The following FAM246A variants were observed in gnomAD, a reference collection of about 807,000 sequenced individuals.
FAM246A encodes protein FAM246A.
At chr22:21,360,825 ACGGCGG>A (rs533321783) in exon 1 of FAM246A, among the ~76,000 whole-genome samples, 1 of 140,288 alleles carries the variant, frequency 7.1e-6, no homozygotes, top group African/African-American at 2.7e-5. Flanking sequence ...GCAGGCGGGG[ACGGCGG>A]CGGCGGCGGC....
At chr22:21,360,668 G>A (rs992714094) in exon 1 of FAM246A, among the ~76,000 whole-genome samples, 14 of 146,282 alleles carry the variant, frequency 9.6e-5, no homozygotes, top group East Asian at 4.0e-4. Context: ...CCTGACCGGG[G>A]CTCGGTGCGC....
At chr22:21,361,161 C>A (rs1415253903) in exon 1 of FAM246A, among the ~76,000 whole-genome samples, 1 of 151,514 alleles carries the variant, frequency 6.6e-6, no homozygotes, top group East Asian at 1.9e-4. Flanking sequence ...GCCAGCCGGC[C>A]CGGGGCTCGG....
At chr22:21,360,804 G>A (rs1921838437) in exon 1 of FAM246A, among the ~76,000 whole-genome samples, 1 of 144,182 alleles carries the variant, frequency 6.9e-6, no homozygotes, top group African/African-American at 2.6e-5. Context: ...ACGGCGCGGG[G>A]CTCGCGGCGG....
At position 21,360,978 on chromosome 22, in the gene FAM246A, A is replaced by AGG. The variant is rs1921846637; in HGVS notation, c.320_321dup (p.Tyr108ProfsTer80). Among the ~76,000 whole-genome samples, 1 of 145,336 alleles carries AGG rather than the reference A, an allele frequency of 6.9e-6. No homozygotes were observed. Among genetic ancestry groups the AGG allele is most frequent in the Non-Finnish European group, 1.5e-5 (1 of 65,908 alleles). On this transcript the variant is annotated frameshift_variant, in exon 1 of 1. Transcript: ENST00000652479. LOFTEE classifies it high-confidence loss of function. ...CTGACCTCCAGGACCCCCGCCGGGT[A>AGG]GGTGGCCCTGCCGCGGGGCTCCCCG...
At chr22:21,361,114 C>T (rs1469887098) in exon 1 of FAM246A, among the ~76,000 whole-genome samples, 1 of 150,864 alleles carries the variant, frequency 6.6e-6, no homozygotes, top group African/African-American at 2.4e-5. Context: ...CCTCGGACCG[C>T]GAAGCCGCTT....
chr22:21,361,148 C>G (rs976869604), exon 1 of FAM246A, among the ~76,000 whole-genome samples: 9 of 151,376 alleles, frequency 5.9e-5, no homozygotes, highest in East Asian at 1.9e-4. Context: ...GCCGAGCAGG[C>G]GAGCCAGCCG....
exon 1 of FAM246A, among the ~76,000 whole-genome samples, chr22:21,361,195 G>C (rs1462815658): frequency 1.3e-5 from 2 of 151,456 alleles, no homozygotes; most frequent in African/African-American, 2.4e-5. Flanking sequence ...CCGGCCCATT[G>C]GATTGCGGCC....
chr22:21,361,201 C>A (rs1203014526), exon 1 of FAM246A, among the ~76,000 whole-genome samples: 16 of 151,446 alleles, frequency 1.1e-4, no homozygotes, highest in African/African-American at 2.7e-4. Context: ...CATTGGATTG[C>A]GGCCCCGGGT....
rs1921848105 is a variant in FAM246A, at chr22:21,361,027, GCTGTGCGCGCCGGTCCTCTCGCCCGCGC to G, written c.245_272del (p.Gly82AlafsTer96). ...CGCATACTGAGCACACGGAGCCGCG[GCTGTGCGCGCCGGTCCTCTCGCCCGCGC>G]CCGCCGCCCCGGCCCCCGCACGCTC... is the stretch of plus-strand genomic sequence containing the variant. On this transcript the variant is annotated frameshift_variant, in exon 1 of 1. Transcript: ENST00000652479. LOFTEE classifies it high-confidence loss of function. Among the ~76,000 whole-genome samples the G allele has an allele frequency of 6.8e-6, 1 of 146,500 alleles. No homozygotes were observed. Among genetic ancestry groups the G allele is most frequent in the Non-Finnish European group, 1.5e-5 (1 of 66,006 alleles).
exon 1 of FAM246A, among the ~76,000 whole-genome samples, chr22:21,360,695 C>G (rs1335998656): frequency 6.8e-6 from 1 of 146,894 alleles, no homozygotes. Flanking sequence ...TTCTGCTGGG[C>G]CGTCCGGGGC....
rs1184146315 is a variant in FAM246A at position 21,361,243 on chromosome 22, C to T, written c.57G>A (p.Glu19=). 1.5e-4 allele frequency among the ~76,000 whole-genome samples: 22 copies of T among 150,554 alleles called. No homozygotes were observed. The South Asian group carries it at 4.6e-3, about 31-fold the overall frequency. Residue 19 remains glutamate (E), a synonymous_variant, in exon 1 of 1, where the codon GAG becomes GAA. Transcript: ENST00000652479. The stretch of plus-strand genomic sequence containing the variant: ...GGCGGCCCGTGACGCGCCGCAGCAC[C>T]TCGCTGGCTCTGTACGCACTACGCG...
At chr22:21,361,246 G>T (rs1446757489) in exon 1 of FAM246A, among the ~76,000 whole-genome samples, 1 of 150,136 alleles carries the variant, frequency 6.7e-6, no homozygotes. Flanking sequence ...GCAGCACCTC[G>T]CTGGCTCTGT....
Sources: allele counts gnomAD v4.1 joint callset (sites outside exome capture counted in the v4.1 genomes callset), GRCh38; gene constraint gnomAD v4.1.1; transcripts MANE v1.5; gene names NCBI Gene and HGNC (gene_info 2026-07-23, HGNC 2026-07-21).